Variants in KBTBD11 observed in about 807,000 individuals in gnomAD.
KBTBD11 encodes kelch repeat and BTB domain-containing protein 11.
For synonymous variants in KBTBD11, 747 were observed against 499.0 expected, an observed-to-expected ratio of 1.50 and a Z score of -6.63; for missense variants, 1,390 against 1,001.8, an observed-to-expected ratio of 1.39 and a Z score of -5.23.
chr8:2,005,272 A>G lies in KBTBD11; in HGVS notation c.*2208A>G, dbSNP rs1478303125. The G allele has an allele frequency of 1.2e-5, 2 of 167,142 alleles. No homozygotes were observed. The highest frequency in any genetic ancestry group is 2.9e-5 in the Non-Finnish European group (2 of 68,154). The allele number at this position is 167,142 out of a possible 1,614,324, so 10.4% of individuals were successfully genotyped here. A position where few individuals can be genotyped will look rare whatever the true frequency, so the allele number is the denominator to read the frequency against. On this transcript the variant is annotated 3_prime_UTR_variant, in exon 2 of 2. Transcript: ENST00000320248. The stretch of plus-strand genomic sequence containing the variant: ...CAACAAAATGCACTAAGAAACGTAA[A>G]GAATAAGAGGAATTAATACCCACCA...
chr8:2,001,645 G>A lies in KBTBD11; in HGVS notation c.453G>A (p.Leu151=). The change falls in exon 2 of 2, where the codon CTG becomes CTA. Residue 151 remains leucine, a synonymous_variant. Coordinates refer to ENST00000320248, the MANE Select transcript of KBTBD11 (RefSeq NM_014867.3). ...TGCTGGAGGTGTCGGGGCGCCGGCT[G>A]CGCGCGCACAAGGCGGTGCTGGCGG... is the stretch of plus-strand genomic sequence containing the variant. ...DLVLEVSGRR[L]RAHKAVLAAR... 1 of 1,478,896 alleles carries A rather than the reference G, an allele frequency of 6.8e-7. No homozygotes were observed. Among genetic ancestry groups the A allele is most frequent in the South Asian group, 1.3e-5 (1 of 78,884 alleles). The allele number at this position is 1,478,896 out of a possible 1,614,324, so 91.6% of individuals were successfully genotyped here. A position where few individuals can be genotyped will look rare whatever the true frequency, so the allele number is the denominator to read the frequency against.
chr8:1,981,374 G>A (rs766715635), intron 1 of KBTBD11, among the ~76,000 whole-genome samples: 9 of 152,200 alleles, frequency 5.9e-5, no homozygotes, highest in Non-Finnish European at 1.2e-4. Context: ...GTAAATGTAA[G>A]TACACGGTTG....
rs1329733978 is a variant in KBTBD11 at position 2,005,640 on chromosome 8, G to C, written c.*2576G>C. The C allele has an allele frequency of 6.0e-6, 1 of 167,072 alleles. No homozygotes were observed. Among genetic ancestry groups the C allele is most frequent in the African/African-American group, 2.4e-5 (1 of 41,448 alleles). The allele number at this position is 167,072 out of a possible 1,614,324, so 10.3% of individuals were successfully genotyped here. A position where few individuals can be genotyped will look rare whatever the true frequency, so the allele number is the denominator to read the frequency against. On this transcript the variant is annotated 3_prime_UTR_variant, in exon 2 of 2. Transcript: ENST00000320248. ...TGCGTCCAACACTGTGTAGGAAAAA[G>C]GTTGGTGCAAAAATATTCCTGGTCA...
chr8:1,983,922 G>C lies in KBTBD11; in HGVS notation c.-909+9987G>C, dbSNP rs150479016. 4.0e-3 allele frequency among the ~76,000 whole-genome samples: 613 copies of C among 152,294 alleles called. 4 individuals carry two copies. Among genetic ancestry groups the C allele is most frequent in the African/African-American group, 0.014 (583 of 41,562 alleles). On this transcript the variant is annotated intron_variant, in intron 1 of 1. Transcript: ENST00000320248. ...AGGTGGGTGGATCACCTGAGGTCAGGAGTTTGAGACCAGCCTGGCCAACAA... is the reference window on the plus strand; with the variant it reads ...AGGTGGGTGGATCACCTGAGGTCAGCAGTTTGAGACCAGCCTGGCCAACAA...
Position 2,001,363 on chromosome 8 carries a change from G to A in KBTBD11, c.171G>A (p.Ala57=). The A allele has an allele frequency of 1.3e-6, 2 of 1,481,894 alleles. No homozygotes were observed. Among genetic ancestry groups the A allele is most frequent in the African/African-American group, 1.5e-5 (1 of 68,774 alleles). The allele number at this position is 1,481,894 out of a possible 1,614,324, so 91.8% of individuals were successfully genotyped here. A position where few individuals can be genotyped will look rare whatever the true frequency, so the allele number is the denominator to read the frequency against. Residue 57 remains alanine (A), a synonymous_variant, in exon 2 of 2, where the codon GCG becomes GCA. Transcript: ENST00000320248. ...EESPPQSLAS[A]AEGAATSPPS... ...CCCCGCCGCAGTCCCTCGCCTCAGC[G>A]GCGGAAGGCGCGGCCACCTCCCCGC...
chr8:1,987,672 C>T (rs775826691), intron 1 of KBTBD11, among the ~76,000 whole-genome samples: 10 of 152,146 alleles, frequency 6.6e-5, no homozygotes, highest in South Asian at 4.2e-4. Flanking sequence ...TCTGGGAGGA[C>T]GCACCTGTCA....
chr8:1,989,923 GTTTTTTTTTTTTT>G (rs5888896), intron 1 of KBTBD11, among the ~76,000 whole-genome samples: 4 of 71,712 alleles, frequency 5.6e-5, no homozygotes, highest in Non-Finnish European at 9.6e-5. Context: ...GTCTCAGGTG[GTTTTTTTTTTTTT>G]TTTTTTTTTT....
At chr8:1,977,914 T>C (rs1816404441) in intron 1 of KBTBD11, among the ~76,000 whole-genome samples, 1 of 152,184 alleles carries the variant, frequency 6.6e-6, no homozygotes, top group African/African-American at 2.4e-5. Context: ...AGTTCACAGT[T>C]CTGAATATTC....
chr8:1,978,270 G>A (rs1441330884), intron 1 of KBTBD11, among the ~76,000 whole-genome samples: 1 of 152,156 alleles, frequency 6.6e-6, no homozygotes, highest in Non-Finnish European at 1.5e-5. Flanking sequence ...TCCTGTATTC[G>A]TAGCAATAGC....
rs184762685 is a variant in KBTBD11 at position 1,978,330 on chromosome 8, G to T, written c.-909+4395G>T. On this transcript the variant is annotated intron_variant, in intron 1 of 1. Transcript: ENST00000320248. ...GTCTCGCTGGGCACAGCTCACCTTGGTGCCACTCAGCACCAGATGCGGAGC... is the reference window on the plus strand; with the variant it reads ...GTCTCGCTGGGCACAGCTCACCTTGTTGCCACTCAGCACCAGATGCGGAGC... Among the ~76,000 whole-genome samples the T allele has an allele frequency of 9.1e-4, 138 of 152,320 alleles. No homozygotes were observed. The Middle Eastern group carries it at 0.014, about 15-fold the overall frequency.
rs1817291383 is a variant in KBTBD11 at position 2,000,293 on chromosome 8, GT to G, written c.-899del. Reference sequence around the variant, plus strand: ...TTTTGTCCTATAAACAGGAACAAGAGTGTGGTGAGAGGACGCGGAAACACCT... The same window carrying G: ...TTTTGTCCTATAAACAGGAACAAGAGGTGGTGAGAGGACGCGGAAACACCT... On this transcript the variant is annotated 5_prime_UTR_variant, in exon 2 of 2. The change abolishes the stop of an existing upstream ORF in the 5' untranslated region. Transcript: ENST00000320248. 6.6e-6 allele frequency: 1 copy of G among 152,280 alleles called. No homozygotes were observed. The highest frequency in any genetic ancestry group is 6.5e-5 in the Admixed American group (1 of 15,284). The allele number at this position is 152,280 out of a possible 1,614,324, so 9.4% of individuals were successfully genotyped here.
chr8:1,974,269 C>T (rs995322369), intron 1 of KBTBD11: 1 of 980,050 alleles, frequency 1.0e-6, no homozygotes, highest in South Asian at 4.7e-5. Flanking sequence ...TCCACAGGCC[C>T]TCCCCCGGGA....
intron 1 of KBTBD11, chr8:1,975,988 C>G (rs943051096): frequency 1.3e-5 from 2 of 152,232 alleles, no homozygotes; most frequent in African/African-American, 2.4e-5. Context: ...ACGCCTCCAT[C>G]TGGGCACATG....
In KBTBD11 at chr8:1,991,424, C is replaced by T. The variant is rs117360449; in HGVS notation, c.-908-8861C>T. Among the ~76,000 whole-genome samples, 727 of 152,358 alleles carry T rather than the reference C, an allele frequency of 4.8e-3. 4 individuals are homozygous for T. Among genetic ancestry groups the T allele is most frequent in the Non-Finnish European group, 6.9e-3 (467 of 68,040 alleles). Reference sequence around the variant, plus strand: ...TCAGACGCCCCCAGAAGCTGTCCTTCGGCACCACATGCTCCAGGGGTCTCA... The same window carrying T: ...TCAGACGCCCCCAGAAGCTGTCCTTTGGCACCACATGCTCCAGGGGTCTCA... On this transcript the variant is annotated intron_variant, in intron 1 of 1. Coordinates refer to ENST00000320248, the MANE Select transcript of KBTBD11 (RefSeq NM_014867.3).
At position 1,984,202 on chromosome 8, in the gene KBTBD11, C is replaced by G. The variant is rs540230671; in HGVS notation, c.-909+10267C>G. 1.3e-4 allele frequency among the ~76,000 whole-genome samples: 19 copies of G among 151,660 alleles called. No homozygotes were observed. In the South Asian group the frequency reaches 3.1e-3, roughly 25 times the overall value. On this transcript the variant is annotated intron_variant, in intron 1 of 1. Coordinates refer to ENST00000320248, the MANE Select transcript of KBTBD11 (RefSeq NM_014867.3). ...CCTGTAATCCAAACACTTTGGGAGGCCGAGGTGGGAGGATCACTTGAGCCT... is the reference window on the plus strand; with the variant it reads ...CCTGTAATCCAAACACTTTGGGAGGGCGAGGTGGGAGGATCACTTGAGCCT...
Position 2,002,033 on chromosome 8 carries a change from C to A in KBTBD11, c.841C>A (p.Arg281=). The A allele has an allele frequency of 1.5e-6, 2 of 1,339,314 alleles. No individual in the cohort carries two copies. The highest frequency in any genetic ancestry group is 3.8e-5 in the East Asian group (1 of 26,552). 83.0% of individuals were successfully genotyped at this position (1,339,314 alleles called of 1,614,324 possible). The change falls in exon 2 of 2, where the codon CGG becomes AGG. Residue 281 remains arginine, a synonymous_variant. Coordinates refer to ENST00000320248, the MANE Select transcript of KBTBD11 (RefSeq NM_014867.3). The surrounding 1 kb of genome is among the most constrained non-coding windows in gnomAD (Gnocchi z 4.1). ...AVFGRLSGAE[R]DLLLRRRLRA... The stretch of plus-strand genomic sequence containing the variant: ...GTTCGGCCGCCTGTCGGGCGCAGAG[C>A]GGGACCTGCTGCTGCGCCGCCGCCT...
rs1405483944 is a variant in KBTBD11, at chr8:2,001,620, T to G, written c.428T>G (p.Val143Gly). ...GCGGTGTACGGGGAGCCGGACCTGGTGCTGGAGGTGTCGGGGCGCCGGCTG... is the reference window on the plus strand; with the variant it reads ...GCGGTGTACGGGGAGCCGGACCTGGGGCTGGAGGTGTCGGGGCGCCGGCTG... Reference protein sequence around the residue: ...FGAVYGEPDLVLEVSGRRLRA... With the variant: ...FGAVYGEPDLGLEVSGRRLRA... The change falls in exon 2 of 2, where the codon GTG (valine) becomes GGG (glycine). Residue 143 changes from valine (V) to glycine (G), a missense_variant. Val to Gly is a moderately radical substitution (Grantham distance 109, BLOSUM62 -3). Coordinates refer to ENST00000320248, the MANE Select transcript of KBTBD11 (RefSeq NM_014867.3). 1 of 1,479,650 alleles carries G rather than the reference T, an allele frequency of 6.8e-7. No homozygotes were observed. The highest frequency in any genetic ancestry group is 1.3e-5 in the South Asian group (1 of 79,002). The allele number at this position is 1,479,650 out of a possible 1,614,324, so 91.7% of individuals were successfully genotyped here. A position where few individuals can be genotyped will look rare whatever the true frequency, so the allele number is the denominator to read the frequency against.
In KBTBD11 at chr8:1,988,666, C is replaced by G. The variant is rs369841580; in HGVS notation, c.-908-11619C>G. Among the ~76,000 whole-genome samples, 5 of 152,170 alleles carry G rather than the reference C, an allele frequency of 3.3e-5. No individual in the cohort carries two copies. The East Asian group carries it at 9.6e-4, about 29-fold the overall frequency. Reference sequence around the variant, plus strand: ...TTGCTAGTCTCTTCAAGCCTTTGTCCTGGTTCCTGAATCCATTCAAACGTG... The same window carrying G: ...TTGCTAGTCTCTTCAAGCCTTTGTCGTGGTTCCTGAATCCATTCAAACGTG... On this transcript the variant is annotated intron_variant, in intron 1 of 1. Transcript: ENST00000320248.
chr8:1,974,243 GCCTCCTCGCGGGGTCTC>G, intron 1 of KBTBD11: 17 of 951,468 alleles, frequency 1.8e-5, no homozygotes, highest in South Asian at 4.8e-5. Context: ...GGGCGTGGGG[GCCTCCTCGCGGGGTCTC>G]CACAGGCCCT....
Sources: allele counts gnomAD v4.1 joint callset (sites outside exome capture counted in the v4.1 genomes callset), GRCh38; gene constraint gnomAD v4.1.1; non-coding constraint Gnocchi (gnomAD v3.1); transcripts MANE v1.5; gene names NCBI Gene and HGNC (gene_info 2026-07-23, HGNC 2026-07-21).